Variants in GPR107 observed in about 807,000 individuals in gnomAD.
GPR107 encodes G protein-coupled receptor 107.
Under a neutral mutation model 75.5 loss-of-function variants are expected in GPR107, and 31 were observed. The ratio of observed to expected loss-of-function variants is 0.41; its 90% confidence interval spans 0.31 to 0.55. The LOEUF (loss-of-function observed/expected upper bound fraction) is 0.55. GPR107 is among the 20% of genes least tolerant of loss of function. The pLI is 0.26. For synonymous variants in GPR107, 267 were observed against 251.3 expected (o/e 1.06, Z -0.59); for missense variants, 572 against 665.7 (o/e 0.86, Z 1.55).
intron 1 of GPR107, among the ~76,000 whole-genome samples, chr9:130,071,510 G>A (rs1564661690): frequency 6.6e-6 from 1 of 151,922 alleles, no homozygotes; most frequent in East Asian, 1.9e-4. Flanking sequence ...TTTCTCCTCT[G>A]AACTGGTGTC....
intron 1 of GPR107, among the ~76,000 whole-genome samples, chr9:130,058,387 A>G (rs532029040): frequency 1.3e-5 from 2 of 152,168 alleles, no homozygotes; most frequent in Non-Finnish European, 2.9e-5. Context: ...CCAGGCAGCC[A>G]CTAATCTACT....
chr9:130,124,213 C>T (rs564698966), intron 14 of GPR107, among the ~76,000 whole-genome samples: 90 of 152,236 alleles, frequency 5.9e-4, no homozygotes, highest in African/African-American at 2.0e-3. Context: ...ATTAATTTGC[C>T]TCCTGCAGGA....
chr9:130,100,561 A>G, intron 10 of GPR107, 68 bp from the exon 11 acceptor site: 4 of 1,118,532 alleles, frequency 3.6e-6, no homozygotes. Flanking sequence ...AATGGGTCCA[A>G]GTTAAAAGAT....
chr9:130,110,078 C>T (rs1256939892), intron 14 of GPR107, among the ~76,000 whole-genome samples: 1 of 152,156 alleles, frequency 6.6e-6, no homozygotes, highest in Non-Finnish European at 1.5e-5. Context: ...TGCGTCCTCC[C>T]CGGCCCCTGC....
chr9:130,117,831 C>T (rs1043903108), intron 14 of GPR107, among the ~76,000 whole-genome samples: 3 of 152,082 alleles, frequency 2.0e-5, no homozygotes, highest in Non-Finnish European at 2.9e-5. Context: ...AAATTTTTCA[C>T]GCTTTAAGTG....
At position 130,112,149 on chromosome 9, in the gene GPR107, T is replaced by C. The variant is rs372713769; in HGVS notation, c.1306+4610T>C. Among the ~76,000 whole-genome samples the C allele has an allele frequency of 2.0e-5, 3 of 152,334 alleles. No individual in the cohort carries two copies. The East Asian group carries it at 5.8e-4, about 29-fold the overall frequency. On this transcript the variant is annotated intron_variant, in intron 14 of 17. Coordinates refer to ENST00000347136, the MANE Select transcript of GPR107 (RefSeq NM_020960.5). The surrounding 1 kb of genome is among the most constrained non-coding windows in gnomAD (Gnocchi z 4.0). Reference sequence around the variant, plus strand: ...ACCATCCTTTTTTTGGGCCTTGTGTTTCTGAGGAAAAGTCAGAAGATGTAT... The same window carrying C: ...ACCATCCTTTTTTTGGGCCTTGTGTCTCTGAGGAAAAGTCAGAAGATGTAT...
intron 13 of GPR107, among the ~76,000 whole-genome samples, chr9:130,107,269 T>A (rs1831181645): frequency 6.6e-6 from 1 of 152,276 alleles, no homozygotes; most frequent in African/African-American, 2.4e-5. Context: ...TGGTCCCTGC[T>A]AGACTTATTG....
At chr9:130,125,295 T>C (rs1589530357) in intron 15 of GPR107, among the ~76,000 whole-genome samples, 1 of 151,858 alleles carries the variant, frequency 6.6e-6, no homozygotes, top group South Asian at 2.1e-4. Flanking sequence ...TTGGCCAGGC[T>C]AGTCTCAAAC....
At chr9:130,087,107 G>A (rs909026414) in intron 7 of GPR107, among the ~76,000 whole-genome samples, 7 of 151,242 alleles carry the variant, frequency 4.6e-5, no homozygotes, top group East Asian at 1.9e-4. Context: ...GTATAATCAC[G>A]GCTCACTGCA....
chr9:130,097,568 A>G (rs993929093), intron 9 of GPR107, among the ~76,000 whole-genome samples: 3 of 152,082 alleles, frequency 2.0e-5, no homozygotes, highest in Non-Finnish European at 4.4e-5. Flanking sequence ...TCTTACCAAT[A>G]CTGACATCTT....
chr9:130,075,284 A>T (rs2132559625), intron 1 of GPR107, among the ~76,000 whole-genome samples: 1 of 118,850 alleles, frequency 8.4e-6, no homozygotes, highest in African/African-American at 3.4e-5. Flanking sequence ...TTGCTCCGTC[A>T]CCCAAGCTAG....
chr9:130,055,125 A>T (rs543970950), intron 1 of GPR107, among the ~76,000 whole-genome samples: 1 of 152,280 alleles, frequency 6.6e-6, no homozygotes, highest in African/African-American at 2.4e-5. Context: ...GTAAATTGTT[A>T]TGACCCAAAC....
chr9:130,138,802 AAC>A lies in GPR107; in HGVS notation c.*3683_*3684del, dbSNP rs1832024355. 6.6e-6 allele frequency: 1 copy of A among 152,068 alleles called. No homozygotes were observed. Among genetic ancestry groups the A allele is most frequent in the African/African-American group, 2.4e-5 (1 of 41,388 alleles). 9.4% of individuals were successfully genotyped at this position (152,068 alleles called of 1,614,324 possible). A position where few individuals can be genotyped will look rare whatever the true frequency, so the allele number is the denominator to read the frequency against. Reference sequence around the variant, plus strand: ...ATGGGTGTCTTGTTTTGGTACTTAAAACAGTCTACTCCAGGCATCCAGTCCTT... The same window carrying A: ...ATGGGTGTCTTGTTTTGGTACTTAAAAGTCTACTCCAGGCATCCAGTCCTT... On this transcript the variant is annotated 3_prime_UTR_variant, in exon 18 of 18. Transcript: ENST00000347136.
chr9:130,075,179 T>C (rs1266641798), intron 1 of GPR107, among the ~76,000 whole-genome samples: 1 of 152,026 alleles, frequency 6.6e-6, no homozygotes, highest in African/African-American at 2.4e-5. Flanking sequence ...ACTGAGCATA[T>C]GGAAACATTG....
intron 14 of GPR107, among the ~76,000 whole-genome samples, chr9:130,118,841 G>A (rs1010027781): frequency 5.9e-5 from 9 of 152,202 alleles, no homozygotes; most frequent in African/African-American, 2.2e-4. Flanking sequence ...ACATGAGGAG[G>A]TCGATGCCTG....
intron 5 of GPR107, among the ~76,000 whole-genome samples, chr9:130,081,667 G>C (rs1830495704): frequency 6.9e-6 from 1 of 145,528 alleles, no homozygotes; most frequent in African/African-American, 2.6e-5. Context: ...GTGAGACTCT[G>C]TCTCAAAAAA....
chr9:130,123,678 CAGGG>C (rs1831606274), intron 14 of GPR107, among the ~76,000 whole-genome samples: 1 of 150,606 alleles, frequency 6.6e-6, no homozygotes, highest in Admixed American at 6.6e-5. Context: ...TTTTAAGAGA[CAGGG>C]AGGGGTTTCA....
At chr9:130,080,390 C>G (rs1254648018) in intron 5 of GPR107, among the ~76,000 whole-genome samples, 1 of 152,082 alleles carries the variant, frequency 6.6e-6, no homozygotes, top group African/African-American at 2.4e-5. Context: ...ATAGTGGGCA[C>G]ATTATCATGT....
intron 12 of GPR107, 58 bp downstream of exon 12, chr9:130,101,281 C>A: frequency 2.2e-6 from 2 of 929,198 alleles, no homozygotes; most frequent in South Asian, 1.3e-5. Flanking sequence ...CAGGGCTCAG[C>A]TCCAAGCCTG....
Sources: allele counts gnomAD v4.1 joint callset (sites outside exome capture counted in the v4.1 genomes callset), GRCh38; gene constraint gnomAD v4.1.1; non-coding constraint Gnocchi (gnomAD v3.1); transcripts MANE v1.5; gene names NCBI Gene and HGNC (gene_info 2026-07-23, HGNC 2026-07-21).